Variants in CCDC148 observed in about 807,000 individuals in gnomAD.
The protein encoded by CCDC148 is coiled-coil domain-containing protein 148.
A neutral mutation model predicts 85.7 loss-of-function variants in CCDC148; 89 were observed. The observed-to-expected ratio is 1.04, with a 90% CI of 0.87 to 1.24. The LOEUF is 1.24. Among genes scored for constraint, CCDC148 ranks in the 50% most tolerant of loss-of-function variants. The pLI is 0.00. For synonymous variants in CCDC148, 230 were observed against 213.9 expected (o/e 1.08, Z -0.66); for missense variants, 692 against 671.7 (o/e 1.03, Z -0.33).
rs1574445673 is a variant in CCDC148, at chr2:158,227,377, C to T, written c.1252-6664G>A. ...AATCAATATTGTGAAAATGGCCATA[C>T]TGCCCAAGGTAATTTATAGATTCAA... is the stretch of plus-strand genomic sequence containing the variant. On this transcript the variant is annotated intron_variant, in intron 10 of 13. Transcript: ENST00000283233. Among the ~76,000 whole-genome samples, 4 of 151,948 alleles carry T rather than the reference C, an allele frequency of 2.6e-5. No homozygotes were observed. The South Asian group carries it at 6.2e-4, about 24-fold the overall frequency.
chr2:158,339,398 C>T (rs951688937), intron 5 of CCDC148, among the ~76,000 whole-genome samples: 2 of 152,134 alleles, frequency 1.3e-5, no homozygotes, highest in Non-Finnish European at 2.9e-5. Context: ...CCCCTTCCTT[C>T]CCTTGCATTC....
rs1682940076 is a variant in CCDC148, at chr2:158,345,280, T to C, written c.186A>G (p.Glu62=). The change falls in exon 3 of 14, where the codon GAA becomes GAG. Residue 62 remains glutamate (E), a synonymous_variant. Transcript: ENST00000283233. ...KAMLTSKLSK[E]QTLIKQHKQV... is the part of the protein sequence containing the mutation. ...GCTTGTGTTGTTTTATTAGTGTTTGTTCTTTGGATAACTTTGAAGTCAACA... is the reference window on the plus strand; with the variant it reads ...GCTTGTGTTGTTTTATTAGTGTTTGCTCTTTGGATAACTTTGAAGTCAACA... The C allele has an allele frequency of 1.2e-6, 2 of 1,613,426 alleles. No homozygotes were observed. Among genetic ancestry groups the C allele is most frequent in the African/African-American group, 1.3e-5 (1 of 74,894 alleles).
chr2:158,274,400 C>A (rs1689832040), intron 9 of CCDC148, among the ~76,000 whole-genome samples: 1 of 152,140 alleles, frequency 6.6e-6, no homozygotes. Flanking sequence ...ACATCTAGAT[C>A]CATCGACACC....
chr2:158,238,731 A>C (rs1247824935), intron 10 of CCDC148, among the ~76,000 whole-genome samples: 1 of 152,198 alleles, frequency 6.6e-6, no homozygotes, highest in African/African-American at 2.4e-5. Context: ...GCAGGCAGGT[A>C]CTAATAAAGA....
At chr2:158,182,726 T>C (rs575011543) in intron 11 of CCDC148, among the ~76,000 whole-genome samples, 34 of 152,242 alleles carry the variant, frequency 2.2e-4, no homozygotes, top group African/African-American at 8.2e-4. Flanking sequence ...TTTTTACAGA[T>C]GCTATGGTTT....
At chr2:158,273,970 C>A (rs1430216696) in intron 9 of CCDC148, among the ~76,000 whole-genome samples, 3 of 152,310 alleles carry the variant, frequency 2.0e-5, no homozygotes, top group Admixed American at 2.0e-4. Context: ...CCTGGCCCTT[C>A]CTCTGGGCTC....
At chr2:158,391,657 T>C (rs886129179) in intron 1 of CCDC148, among the ~76,000 whole-genome samples, 2 of 152,154 alleles carry the variant, frequency 1.3e-5, no homozygotes, top group African/African-American at 2.4e-5. Flanking sequence ...AGTAAAACAA[T>C]TGAGGCCTAA....
chr2:158,289,203 A>G (rs1223836670), intron 9 of CCDC148, among the ~76,000 whole-genome samples: 9 of 152,230 alleles, frequency 5.9e-5, no homozygotes, highest in Admixed American at 5.9e-4. Flanking sequence ...AACTAACCAT[A>G]AAAGACAAAG....
At chr2:158,254,012 A>G (rs1032674774) in intron 9 of CCDC148, among the ~76,000 whole-genome samples, 4 of 151,734 alleles carry the variant, frequency 2.6e-5, no homozygotes, top group African/African-American at 9.7e-5. Context: ...ATTATGCAAC[A>G]GTATATGGGA....
rs188330729 is a variant in CCDC148, at chr2:158,307,963, C to T, written c.1110+1470G>A. Among the ~76,000 whole-genome samples, 606 of 152,050 alleles carry T rather than the reference C, an allele frequency of 4.0e-3. 7 individuals carry two copies. Among genetic ancestry groups the T allele is most frequent in the South Asian group, 0.026 (127 of 4,802 alleles). On this transcript the variant is annotated intron_variant, in intron 9 of 13. Coordinates refer to ENST00000283233, the MANE Select transcript of CCDC148 (RefSeq NM_138803.4). ...ATCTCAGTGGTTTTTCATGGGTATG[C>T]GTGTGTGTCATAAAGCTTCATCCAA... is the stretch of plus-strand genomic sequence containing the variant.
intron 9 of CCDC148, among the ~76,000 whole-genome samples, chr2:158,294,378 G>T (rs906128465): frequency 7.2e-5 from 11 of 152,054 alleles, no homozygotes; most frequent in African/African-American, 2.7e-4. Context: ...AAATAAAGCT[G>T]CTATAAATGT....
intron 9 of CCDC148, among the ~76,000 whole-genome samples, chr2:158,263,767 C>T (rs904846753): frequency 7.2e-5 from 11 of 151,822 alleles, no homozygotes; most frequent in Non-Finnish European, 1.2e-4. Flanking sequence ...AAGGCATTTG[C>T]CTAATTAATG....
At chr2:158,176,834 TA>T (rs1684614323) in intron 12 of CCDC148, 173 bp from the exon 13 acceptor site, 1 of 628,250 alleles carries the variant, frequency 1.6e-6, no homozygotes, top group Admixed American at 3.4e-5. Context: ...ACAAAGGAGT[TA>T]AAACAAAACA....
intron 1 of CCDC148, among the ~76,000 whole-genome samples, chr2:158,430,366 T>C (rs1021496488): frequency 6.6e-6 from 1 of 152,080 alleles, no homozygotes; most frequent in East Asian, 1.9e-4. Context: ...CTAATTTTTT[T>C]AAAAAAGACA....
intron 11 of CCDC148, among the ~76,000 whole-genome samples, chr2:158,206,597 TAGTG>T (rs930085717): frequency 5.3e-5 from 8 of 152,234 alleles, no homozygotes; most frequent in African/African-American, 1.9e-4. Context: ...TGTAAAGAAT[TAGTG>T]ACTGGCTCAT....
chr2:158,255,110 AAAAAG>A (rs552702900), intron 9 of CCDC148, among the ~76,000 whole-genome samples: 16 of 151,642 alleles, frequency 1.1e-4, no homozygotes, highest in South Asian at 6.2e-4. Flanking sequence ...AATACAAGAA[AAAAAG>A]AAAAGAAAAG....
At chr2:158,277,237 G>T (rs371781833) in intron 9 of CCDC148, among the ~76,000 whole-genome samples, 2 of 152,184 alleles carry the variant, frequency 1.3e-5, no homozygotes, top group Admixed American at 6.5e-5. Flanking sequence ...TTTGCATAAA[G>T]TTGGGCAGTA....
At chr2:158,433,243 G>C (rs1362971593) in intron 1 of CCDC148, among the ~76,000 whole-genome samples, 5 of 126,228 alleles carry the variant, frequency 4.0e-5, no homozygotes, top group African/African-American at 1.4e-4. Context: ...CGGGGCAACA[G>C]AGTAAGTCCT....
intron 1 of CCDC148, among the ~76,000 whole-genome samples, chr2:158,433,397 T>C (rs1687471787): frequency 1.3e-5 from 2 of 151,920 alleles, no homozygotes; most frequent in African/African-American, 2.4e-5. Context: ...AGAAAATATC[T>C]ATGATACATA....
Sources: gnomAD v4.1 joint callset for allele counts (sites outside exome capture counted in the v4.1 genomes callset) on GRCh38, gnomAD v4.1.1 for gene constraint, MANE v1.5 for transcripts, NCBI Gene and HGNC (gene_info 2026-07-23, HGNC 2026-07-21) for gene names.